Variants in CEP250 observed in about 807,000 individuals in gnomAD.
The protein encoded by CEP250 is centrosome-associated protein CEP250.
In CEP250, 242 loss-of-function variants were observed where a neutral mutation model predicts 315.7. That is an observed-to-expected ratio of 0.77 (90% CI 0.69 to 0.85). CEP250 has a LOEUF of 0.85. Ranked by LOEUF, CEP250 falls within the 40% of genes least tolerant of loss-of-function variation. The pLI is 0.00. For missense variants in CEP250, 2,515 were observed against 2,886.4 expected (o/e 0.87, Z 2.95); for synonymous variants, 1,088 against 1,175.0 (o/e 0.93, Z 1.51).
In CEP250 at chr20:35,469,879, C is replaced by T. The variant is rs755554384; in HGVS notation, c.852-11C>T. On this transcript the variant is annotated splice_polypyrimidine_tract_variant and intron_variant, in intron 9 of 34. Transcript: ENST00000397527. Reference sequence around the variant, plus strand: ...GCTGTTCTGGTGACAGTGCTATGCTCTTCTCTTTAGGGTGACCGAGCTCTC... The same window carrying T: ...GCTGTTCTGGTGACAGTGCTATGCTTTTCTCTTTAGGGTGACCGAGCTCTC... 1.3e-6 allele frequency: 2 copies of T among 1,596,958 alleles called. No individual in the cohort carries two copies. Among genetic ancestry groups the T allele is most frequent in the East Asian group, 4.5e-5 (2 of 44,810 alleles).
chr20:35,479,873 C>T, intron 19 of CEP250, 100 bp downstream of exon 19: 6 of 1,594,710 alleles, frequency 3.8e-6, no homozygotes, highest in Admixed American at 1.7e-5. Flanking sequence ...CAGCAGGGTG[C>T]AGGGCCTCTG....
In CEP250 at chr20:35,500,082, G is replaced by C; in HGVS notation, c.3811G>C (p.Glu1271Gln). Residue 1271 changes from glutamate (E) to glutamine (Q), a missense_variant, in exon 28 of 35, where the codon GAG becomes CAG. Transcript: ENST00000397527. ...VLRDQVQKLE[E>Q]RLTDTEAEKS... ...GAGGGATCAGGTCCAGAAACTGGAA[G>C]AGCGTCTAACTGATACTGAGGCTGA... is the stretch of plus-strand genomic sequence containing the variant. 1 of 1,614,168 alleles carries C rather than the reference G, an allele frequency of 6.2e-7. No individual in the cohort carries two copies. Among genetic ancestry groups the C allele is most frequent in the East Asian group, 2.2e-5 (1 of 44,884 alleles).
chr20:35,462,252 CT>C lies in CEP250; in HGVS notation c.-103-10del, dbSNP rs1249458451. On this transcript the variant is annotated splice_polypyrimidine_tract_variant and intron_variant, in intron 3 of 34. Coordinates refer to ENST00000397527, the MANE Select transcript of CEP250 (RefSeq NM_007186.6). ...ACAGTCCTTTCCATTTGACTATGTGCTTTGGTCCCCAGTTCAAGAGGAGGTT... is the reference window on the plus strand; with the variant it reads ...ACAGTCCTTTCCATTTGACTATGTGCTTGGTCCCCAGTTCAAGAGGAGGTT... The C allele has an allele frequency of 6.8e-6, 5 of 734,438 alleles. No homozygotes were observed. The highest frequency in any genetic ancestry group is 1.1e-5 in the Non-Finnish European group (5 of 447,678). The allele number at this position is 734,438 out of a possible 1,614,324, so 45.5% of individuals were successfully genotyped here.
Position 35,507,848 on chromosome 20 carries a change from A to G in CEP250, c.6747A>G (p.Gly2249=). The G allele has an allele frequency of 1.9e-6, 3 of 1,601,780 alleles. No individual in the cohort carries two copies. Among genetic ancestry groups the G allele is most frequent in the Non-Finnish European group, 2.6e-6 (3 of 1,174,820 alleles). Residue 2249 remains glycine (G), a synonymous_variant, in exon 31 of 35, where the codon GGA becomes GGG. Coordinates refer to ENST00000397527, the MANE Select transcript of CEP250 (RefSeq NM_007186.6). The part of the protein sequence containing the change: ...GSRGEQGVQL[G]EVSGVEAEPS... ...GAGGGGAGCAGGGTGTGCAGCTGGG[A>G]GAGGTGAGCTGGGGGCTCTGGGGGA...
chr20:35,504,343 C>G lies in CEP250; in HGVS notation c.5974C>G (p.Arg1992Gly), dbSNP rs41290926. The change falls in exon 30 of 35, where the codon CGC (arginine) becomes GGC (glycine). Residue 1992 changes from arginine (R) to glycine (G), a missense_variant. Coordinates refer to ENST00000397527, the MANE Select transcript of CEP250 (RefSeq NM_007186.6). ...TCTCCTCGAGCAGGCAGAATTGAGC[C>G]GCAGTCTGGAGGCCAGCACTGCAAC... ...QHLLEQAELS[R>G]SLEASTATLQ... 1 of 1,593,706 alleles carries G rather than the reference C, an allele frequency of 6.3e-7. No individual in the cohort carries two copies. The highest frequency in any genetic ancestry group is 8.5e-7 in the Non-Finnish European group (1 of 1,170,272).
rs78542840 is a variant in CEP250 at position 35,511,303 on chromosome 20, C to G, written c.7066-60C>G. The G allele has an allele frequency of 1.8e-3, 2,639 of 1,426,990 alleles. 44 individuals carry two copies. The African/African-American group carries it at 0.033, about 18-fold the overall frequency. 88.4% of individuals were successfully genotyped at this position (1,426,990 alleles called of 1,614,324 possible). On this transcript the variant is annotated intron_variant, in intron 34 of 34. Coordinates refer to ENST00000397527, the MANE Select transcript of CEP250 (RefSeq NM_007186.6). Reference sequence around the variant, plus strand: ...TTCAGAGAACACAGAGCAGGAAGAGCTGGGACAACTTCAGGGCCCTCAGCT... The same window carrying G: ...TTCAGAGAACACAGAGCAGGAAGAGGTGGGACAACTTCAGGGCCCTCAGCT...
intron 20 of CEP250, among the ~76,000 whole-genome samples, chr20:35,483,149 C>T (rs1002580369): frequency 2.0e-5 from 3 of 151,504 alleles, no homozygotes; most frequent in Admixed American, 2.0e-4. Flanking sequence ...GGAGAAACCC[C>T]GTCTCTACTA....
intron 29 of CEP250, 142 bp from the exon 30 acceptor site, chr20:35,502,248 C>T: frequency 1.3e-6 from 1 of 773,156 alleles, no homozygotes; most frequent in Non-Finnish European, 2.0e-6. Context: ...ACAGTATCAG[C>T]TTAAGTGGAA....
intron 14 of CEP250, among the ~76,000 whole-genome samples, chr20:35,475,158 C>T (rs2063134839): frequency 6.6e-6 from 1 of 152,154 alleles, no homozygotes; most frequent in Non-Finnish European, 1.5e-5. Context: ...AGAAGATACA[C>T]AGAGAAGTCT....
intron 20 of CEP250, among the ~76,000 whole-genome samples, chr20:35,485,343 C>A: frequency 6.7e-6 from 1 of 149,000 alleles, no homozygotes; most frequent in African/African-American, 2.5e-5. Flanking sequence ...CATTGCACTC[C>A]AGCCTGGGCG....
intron 10 of CEP250, 64 bp downstream of exon 10, chr20:35,470,050 G>A (rs1186939903): frequency 9.7e-7 from 1 of 1,031,644 alleles, no homozygotes; most frequent in African/African-American, 1.6e-5. Context: ...GTGCTTTATG[G>A]ACAGATAGTG....
intron 9 of CEP250, 130 bp from the exon 10 acceptor site, chr20:35,469,760 G>T (rs1488034945): frequency 1.6e-5 from 9 of 546,944 alleles, no homozygotes; most frequent in Non-Finnish European, 2.6e-5. Flanking sequence ...GGCTGGGGGT[G>T]CCTAAGGGAT....
intron 20 of CEP250, among the ~76,000 whole-genome samples, chr20:35,487,195 T>C (rs1359043012): frequency 6.6e-6 from 1 of 152,122 alleles, no homozygotes; most frequent in East Asian, 1.9e-4. Flanking sequence ...AGGCCGCGCG[T>C]GGTGGCTCAC....
chr20:35,484,070 G>A (rs547138798), intron 20 of CEP250, among the ~76,000 whole-genome samples: 1 of 151,326 alleles, frequency 6.6e-6, no homozygotes, highest in South Asian at 2.1e-4. Context: ...AACGTTTTGG[G>A]GTCTAGTTCT....
At position 35,503,943 on chromosome 20, in the gene CEP250, T is replaced by C. The variant is rs1309272638; in HGVS notation, c.5574T>C (p.His1858=). Residue 1858 remains histidine (H), a synonymous_variant, in exon 30 of 35, where the codon CAT becomes CAC. Transcript: ENST00000397527. This position sits in a 1 kb window ranked among gnomAD's most constrained non-coding sequence, Gnocchi z 4.2. ...CCCATATGACACTGAAGGAGCGTCATGGAGAGCTTCAGGACCACAAGGAAC... is the reference window on the plus strand; with the variant it reads ...CCCATATGACACTGAAGGAGCGTCACGGAGAGCTTCAGGACCACAAGGAAC... ...EQAHMTLKER[H]GELQDHKEQA... is the part of the protein sequence containing the mutation. 6.2e-7 allele frequency: 1 copy of C among 1,613,318 alleles called. No individual in the cohort carries two copies. Among genetic ancestry groups the C allele is most frequent in the East Asian group, 2.2e-5 (1 of 44,840 alleles).
intron 20 of CEP250, among the ~76,000 whole-genome samples, chr20:35,485,239 G>T (rs1295775001): frequency 1.3e-5 from 2 of 151,976 alleles, no homozygotes; most frequent in Non-Finnish European, 2.9e-5. Context: ...GCCGGGTGTG[G>T]TGGCACATGC....
chr20:35,491,102 C>T, intron 21 of CEP250, 110 bp from the exon 22 acceptor site: 2 of 1,349,854 alleles, frequency 1.5e-6, no homozygotes, highest in Admixed American at 2.2e-5. Flanking sequence ...GCCCTCAGCC[C>T]CTTCCCATTT....
At chr20:35,489,418 C>A (rs540724785) in intron 20 of CEP250, among the ~76,000 whole-genome samples, 3 of 152,364 alleles carry the variant, frequency 2.0e-5, no homozygotes, top group East Asian at 3.9e-4. Context: ...GTATTGCCCG[C>A]TTTCTGTGTG....
Position 35,484,559 on chromosome 20 carries a change from CCTT to C in CEP250, c.2586+4418_2586+4420del, listed in dbSNP as rs901546914. On this transcript the variant is annotated intron_variant, in intron 20 of 34. Coordinates refer to ENST00000397527, the MANE Select transcript of CEP250 (RefSeq NM_007186.6). The stretch of plus-strand genomic sequence containing the variant: ...TTTTCTCCCTTCCTCCCCATGTCCT[CCTT>C]CTTTTTGCCTTTTCCCCCTTAAGCT... Among the ~76,000 whole-genome samples the C allele has an allele frequency of 7.9e-4, 121 of 152,212 alleles. 2 individuals are homozygous for C. The highest frequency in any genetic ancestry group is 2.5e-3 in the African/African-American group (105 of 41,536).
Sources: allele counts gnomAD v4.1 joint callset (sites outside exome capture counted in the v4.1 genomes callset), GRCh38; gene constraint gnomAD v4.1.1; non-coding constraint Gnocchi (gnomAD v3.1); transcripts MANE v1.5; gene names NCBI Gene and HGNC (gene_info 2026-07-23, HGNC 2026-07-21).